FCHO2: variants seen among roughly 807,000 people sequenced by gnomAD.
FCHO2 encodes the protein FCH and mu domain containing endocytic adaptor 2.
Under a neutral mutation model 114.1 loss-of-function variants are expected in FCHO2, and 43 were observed. The observed-to-expected ratio is 0.38, with a 90% CI of 0.30 to 0.49. FCHO2 has a LOEUF of 0.49. Ranked by LOEUF, FCHO2 falls within the 20% of genes least tolerant of loss-of-function variation. FCHO2 has a pLI of 0.97. For synonymous variants in FCHO2, 293 were observed against 315.2 expected (o/e 0.93, Z 0.75); for missense variants, 807 against 950.4 (o/e 0.85, Z 1.98).
At chr5:72,976,850 A>G (rs891340698) in intron 2 of FCHO2, among the ~76,000 whole-genome samples, 2 of 120,898 alleles carry the variant, frequency 1.7e-5, no homozygotes, top group Admixed American at 1.2e-4. Flanking sequence ...CTCATTGTTT[A>G]ACTCCCACTA....
chr5:72,978,649 A>C (rs769407203), intron 2 of FCHO2, among the ~76,000 whole-genome samples: 3 of 152,016 alleles, frequency 2.0e-5, no homozygotes, highest in Non-Finnish European at 2.9e-5. Context: ...TACTATGTTG[A>C]ATAAGAGTGG....
chr5:73,047,799 G>GT (rs1757128629), intron 11 of FCHO2, among the ~76,000 whole-genome samples: 2 of 151,806 alleles, frequency 1.3e-5, no homozygotes, highest in African/African-American at 2.4e-5. Context: ...GTTTTACTGT[G>GT]TTTTTTAAAG....
At chr5:73,048,322 C>T (rs1039905360) in intron 11 of FCHO2, among the ~76,000 whole-genome samples, 3 of 151,764 alleles carry the variant, frequency 2.0e-5, no homozygotes, top group African/African-American at 4.8e-5. Flanking sequence ...TGGTGGTAGG[C>T]GCCTGTAATC....
Position 73,042,945 on chromosome 5 carries a change from T to C in FCHO2, c.939+1630T>C, listed in dbSNP as rs6866751. 7.2e-3 allele frequency among the ~76,000 whole-genome samples: 1,099 copies of C among 152,338 alleles called. 17 individuals carry two copies. The highest frequency in any genetic ancestry group is 0.025 in the African/African-American group (1,050 of 41,576). ...CAATTTAATTTTTTGTTTTTTAATTTGGAAACAAGGTCTCACTCTGTTGCT... is the reference window on the plus strand; with the variant it reads ...CAATTTAATTTTTTGTTTTTTAATTCGGAAACAAGGTCTCACTCTGTTGCT... On this transcript the variant is annotated intron_variant, in intron 11 of 25. Transcript: ENST00000430046.
Position 73,010,690 on chromosome 5 carries a change from A to G in FCHO2, c.600+4141A>G, listed in dbSNP as rs182195164. On this transcript the variant is annotated intron_variant, in intron 6 of 25. Coordinates refer to ENST00000430046, the MANE Select transcript of FCHO2 (RefSeq NM_138782.3). ...TCAGGAGTTCAAGACTAGACTTGCT[A>G]ATATGTTGAAATCCTGTCTCTACTA... 2.3e-3 allele frequency among the ~76,000 whole-genome samples: 352 copies of G among 151,900 alleles called. 3 individuals carry two copies. Among genetic ancestry groups the G allele is most frequent in the Non-Finnish European group, 2.7e-3 (183 of 67,938 alleles).
At chr5:73,054,009 T>G (rs1757465857) in intron 13 of FCHO2, 151 bp from the exon 14 acceptor site, 1 of 427,862 alleles carries the variant, frequency 2.3e-6, no homozygotes, top group Non-Finnish European at 4.1e-6. Context: ...TGCTGCCTCA[T>G]TTGCTTAACT....
chr5:73,034,423 A>C (rs1397234719), intron 8 of FCHO2: 3 of 377,954 alleles, frequency 7.9e-6, no homozygotes, highest in Non-Finnish European at 9.4e-6. Context: ...TCAGTAAATT[A>C]TTGTGATCAT....
chr5:73,068,305 A>T (rs1268323472), intron 18 of FCHO2, among the ~76,000 whole-genome samples: 1 of 152,018 alleles, frequency 6.6e-6, no homozygotes, highest in African/African-American at 2.4e-5. Context: ...TCTTATATTT[A>T]TAGTCAGGTA....
intron 1 of FCHO2, among the ~76,000 whole-genome samples, chr5:72,958,333 A>G (rs998846711): frequency 6.6e-6 from 1 of 151,982 alleles, no homozygotes; most frequent in Middle Eastern, 3.2e-3. Context: ...GTTTAGTTCT[A>G]TGATCCATTT....
intron 6 of FCHO2, among the ~76,000 whole-genome samples, chr5:73,007,700 A>G (rs560623541): frequency 6.6e-6 from 1 of 152,370 alleles, no homozygotes; most frequent in Non-Finnish European, 1.5e-5. Context: ...TATACAGTAC[A>G]TCTGTAAATA....
At chr5:72,968,903 A>G (rs886836270) in intron 2 of FCHO2, among the ~76,000 whole-genome samples, 1 of 152,144 alleles carries the variant, frequency 6.6e-6, no homozygotes, top group African/African-American at 2.4e-5. Flanking sequence ...AAACATTAAC[A>G]TTTGTTAACC....
intron 17 of FCHO2, among the ~76,000 whole-genome samples, chr5:73,059,413 A>T (rs997365723): frequency 2.0e-5 from 3 of 152,140 alleles, no homozygotes; most frequent in Non-Finnish European, 4.4e-5. Flanking sequence ...GATAATAAGT[A>T]ACTTCTCCAA....
At chr5:73,055,471 C>T (rs1448998971) in intron 15 of FCHO2, among the ~76,000 whole-genome samples, 1 of 152,148 alleles carries the variant, frequency 6.6e-6, no homozygotes, top group African/African-American at 2.4e-5. Flanking sequence ...GCAAAAATTG[C>T]TTATGCACCA....
At chr5:72,998,057 A>T (rs1488564832) in intron 5 of FCHO2, among the ~76,000 whole-genome samples, 1 of 152,174 alleles carries the variant, frequency 6.6e-6, no homozygotes, top group Non-Finnish European at 1.5e-5. Context: ...GAAAAAAAAA[A>T]TGCTATTTAT....
intron 5 of FCHO2, among the ~76,000 whole-genome samples, chr5:72,994,418 C>T (rs1203440401): frequency 6.6e-6 from 1 of 152,158 alleles, no homozygotes; most frequent in Non-Finnish European, 1.5e-5. Context: ...AAATGCAAAT[C>T]AAAACCACAA....
At chr5:72,979,840 T>G (rs940921857) in intron 2 of FCHO2, among the ~76,000 whole-genome samples, 4 of 152,208 alleles carry the variant, frequency 2.6e-5, no homozygotes, top group African/African-American at 7.2e-5. Context: ...TCTCTTTTCT[T>G]GTTTGTTATT....
chr5:72,992,898 T>G (rs1466194946), intron 5 of FCHO2, among the ~76,000 whole-genome samples: 1 of 151,742 alleles, frequency 6.6e-6, no homozygotes, highest in Non-Finnish European at 1.5e-5. Context: ...ACCATTTATG[T>G]TTTATTCTAT....
At chr5:72,983,863 CAT>C (rs148304100) in intron 2 of FCHO2, among the ~76,000 whole-genome samples, 44 of 148,750 alleles carry the variant, frequency 3.0e-4, no homozygotes, top group Middle Eastern at 3.4e-3. Context: ...TCCTGGTATG[CAT>C]ATATATATAT....
chr5:73,004,924 A>G (rs1754637601), intron 5 of FCHO2, among the ~76,000 whole-genome samples: 2 of 152,248 alleles, frequency 1.3e-5, no homozygotes, highest in South Asian at 2.1e-4. Context: ...AACATAGTAT[A>G]TAATACAGAG....
Sources: allele counts gnomAD v4.1 joint callset (sites outside exome capture counted in the v4.1 genomes callset), GRCh38; gene constraint gnomAD v4.1.1; transcripts MANE v1.5; gene names NCBI Gene and HGNC (gene_info 2026-07-23, HGNC 2026-07-21).